The following ARL13B variants were observed in gnomAD, a reference collection of about 807,000 sequenced individuals.
The protein encoded by ARL13B is ADP-ribosylation factor-like protein 13B.
A neutral mutation model predicts 56.1 loss-of-function variants in ARL13B; 36 were observed. That is an observed-to-expected ratio of 0.64 (90% CI 0.49 to 0.85). ARL13B has a LOEUF of 0.85. Among genes scored for constraint, ARL13B ranks in the 40% least tolerant of loss-of-function variants. ARL13B has a pLI of 0.00. For synonymous variants in ARL13B, 178 were observed against 171.1 expected, an observed-to-expected ratio of 1.04 and a Z score of -0.32; for missense variants, 519 against 507.1, an observed-to-expected ratio of 1.02 and a Z score of -0.23.
Position 93,980,213 on chromosome 3 carries a change from G to GT in ARL13B, c.-209dup, listed in dbSNP as rs1187283616. The GT allele has an allele frequency of 1.4e-5, 10 of 710,126 alleles. No homozygotes were observed. The highest frequency in any genetic ancestry group is 2.5e-5 in the Non-Finnish European group (10 of 394,824). 44.0% of individuals were successfully genotyped at this position (710,126 alleles called of 1,614,324 possible). ...ACGGTGTATCTGCGTCTTTGGTCAG[G>GT]TTGTTCCTTGGCTAAGAGGGCAGTC... On this transcript the variant is annotated 5_prime_UTR_variant, in exon 1 of 10. Coordinates refer to ENST00000394222, the MANE Select transcript of ARL13B (RefSeq NM_001174150.2).
chr3:93,985,911 G>A (rs1710440037), intron 1 of ARL13B, among the ~76,000 whole-genome samples: 1 of 152,108 alleles, frequency 6.6e-6, no homozygotes, highest in African/African-American at 2.4e-5. Flanking sequence ...GTTTCTAGTG[G>A]TCTGTTTTGT....
chr3:94,009,694 A>T (rs1488204245), intron 3 of ARL13B, among the ~76,000 whole-genome samples: 1 of 151,930 alleles, frequency 6.6e-6, no homozygotes, highest in African/African-American at 2.4e-5. Context: ...TTGGCTTAAG[A>T]TTTCTCTCCT....
chr3:94,050,875 G>T lies in ARL13B; in HGVS notation c.1193G>T (p.Gly398Val), dbSNP rs1483508428. The T allele has an allele frequency of 1.2e-6, 2 of 1,613,048 alleles. No homozygotes were observed. The highest frequency in any genetic ancestry group is 1.7e-4 in the Middle Eastern group (1 of 6,056). ...VTRLPKLEPL[G>V]ETHHNDFYRK... ...AGACTTCCAAAACTTGAGCCTCTTG[G>T]TGAAACACATCATAATGGTAATGCA... The change falls in exon 9 of 10, where the codon GGT (glycine) becomes GTT (valine). Residue 398 changes from glycine (G) to valine (V), a missense_variant. Gly to Val is a moderately radical substitution (Grantham distance 109). Coordinates refer to ENST00000394222, the MANE Select transcript of ARL13B (RefSeq NM_001174150.2).
intron 3 of ARL13B, among the ~76,000 whole-genome samples, chr3:94,026,587 CAAAT>C (rs1478816188): frequency 6.6e-6 from 1 of 152,016 alleles, no homozygotes; most frequent in Non-Finnish European, 1.5e-5. Context: ...CAAAATGAGA[CAAAT>C]AAGCATGTTA....
intron 3 of ARL13B, among the ~76,000 whole-genome samples, chr3:94,021,250 G>T (rs2076442783): frequency 1.3e-5 from 2 of 151,144 alleles, no homozygotes; most frequent in Non-Finnish European, 2.9e-5. Context: ...CTGGAGTGCA[G>T]TGTCATGATC....
At position 93,996,186 on chromosome 3, in the gene ARL13B, T is replaced by C. The variant is rs11718593; in HGVS notation, c.130+242T>C. Among the ~76,000 whole-genome samples the C allele has an allele frequency of 0.021, 3,146 of 152,284 alleles. 56 individuals carry two copies. The highest frequency in any genetic ancestry group is 0.03 in the Non-Finnish European group (2,068 of 68,004). On this transcript the variant is annotated intron_variant, in intron 2 of 9. Coordinates refer to ENST00000394222, the MANE Select transcript of ARL13B (RefSeq NM_001174150.2). Reference sequence around the variant, plus strand: ...AGGCTCCTTGATGCCTTTGATCTGCTAAGAGGGAATAGTATCTGTATTCTA... The same window carrying C: ...AGGCTCCTTGATGCCTTTGATCTGCCAAGAGGGAATAGTATCTGTATTCTA...
chr3:94,017,538 CT>C (rs1220605910), intron 3 of ARL13B, among the ~76,000 whole-genome samples: 1 of 151,996 alleles, frequency 6.6e-6, no homozygotes, highest in Non-Finnish European at 1.5e-5. Context: ...TTTTAAAGGA[CT>C]GGTATTTTGT....
At chr3:94,000,986 T>C (rs1352394745) in intron 2 of ARL13B, among the ~76,000 whole-genome samples, 1 of 152,188 alleles carries the variant, frequency 6.6e-6, no homozygotes, top group Admixed American at 6.5e-5. Flanking sequence ...GCTTCAGTTA[T>C]CTCAGTGGTT....
intron 1 of ARL13B, among the ~76,000 whole-genome samples, chr3:93,985,352 T>TGATTTATAACATAGCACTA (rs1210523836): frequency 6.6e-6 from 1 of 152,104 alleles, no homozygotes; most frequent in East Asian, 1.9e-4. Flanking sequence ...AGCATCTAGG[T>TGATTTATAACATAGCACTA]GATGAAATAG....
chr3:93,996,730 G>C (rs1187919598), intron 2 of ARL13B: 1 of 274,764 alleles, frequency 3.6e-6, no homozygotes, highest in African/African-American at 2.2e-5. Flanking sequence ...CAGTATCTAT[G>C]CTAGTGACTT....
chr3:94,051,587 A>C (rs528267796), intron 9 of ARL13B, among the ~76,000 whole-genome samples: 9 of 152,242 alleles, frequency 5.9e-5, no homozygotes, highest in African/African-American at 1.9e-4. Flanking sequence ...ACAGACCATC[A>C]GTCTAGGTCC....
chr3:94,013,948 A>G (rs1394046899), intron 3 of ARL13B, among the ~76,000 whole-genome samples: 1 of 152,212 alleles, frequency 6.6e-6, no homozygotes, highest in African/African-American at 2.4e-5. Context: ...CTCTGTCTCA[A>G]AAGAGAAAAG....
At chr3:94,012,371 C>A (rs1218390857) in intron 3 of ARL13B, among the ~76,000 whole-genome samples, 2 of 152,154 alleles carry the variant, frequency 1.3e-5, no homozygotes, top group Non-Finnish European at 2.9e-5. Context: ...AATTCTGAAA[C>A]CTTCGTCTCT....
intron 3 of ARL13B, among the ~76,000 whole-genome samples, chr3:94,020,622 G>A (rs573851747): frequency 6.6e-6 from 1 of 152,272 alleles, no homozygotes; most frequent in African/African-American, 2.4e-5. Flanking sequence ...AAATCTGTTT[G>A]TGTCAGGAAA....
chr3:94,023,578 A>G (rs1164867345), intron 3 of ARL13B, among the ~76,000 whole-genome samples: 3 of 152,114 alleles, frequency 2.0e-5, no homozygotes, highest in African/African-American at 4.8e-5. Context: ...AGAAAATTAA[A>G]GAAACAGTCC....
At chr3:94,023,825 AAG>A (rs2076500731) in intron 3 of ARL13B, among the ~76,000 whole-genome samples, 1 of 152,148 alleles carries the variant, frequency 6.6e-6, no homozygotes, top group African/African-American at 2.4e-5. Flanking sequence ...ATCTATTTAA[AAG>A]AAAAAATTTA....
intron 3 of ARL13B, chr3:94,014,856 A>C: frequency 6.2e-7 from 1 of 1,614,066 alleles, no homozygotes; most frequent in Non-Finnish European, 8.5e-7. Context: ...GGAACATTGC[A>C]GCATGCTGAG....
At chr3:94,050,496 C>A (rs2077051077) in intron 8 of ARL13B, among the ~76,000 whole-genome samples, 1 of 152,134 alleles carries the variant, frequency 6.6e-6, no homozygotes, top group African/African-American at 2.4e-5. Flanking sequence ...CTTATAGACT[C>A]ATTTCCAGTA....
rs780194011 is a variant in ARL13B at position 94,054,206 on chromosome 3, A to C, written c.*943A>C. ...TTTCATGCCTTGAAATTAAACTATG[A>C]AATTAAAGGCAGAAAAACTGGAAAA... On this transcript the variant is annotated 3_prime_UTR_variant, in exon 10 of 10. Coordinates refer to ENST00000394222, the MANE Select transcript of ARL13B (RefSeq NM_001174150.2). 4.4e-6 allele frequency: 2 copies of C among 452,604 alleles called. No individual in the cohort carries two copies. The highest frequency in any genetic ancestry group is 3.1e-5 in the South Asian group (2 of 64,214). 28.0% of individuals were successfully genotyped at this position (452,604 alleles called of 1,614,324 possible).
Sources: allele counts gnomAD v4.1 joint callset (sites outside exome capture counted in the v4.1 genomes callset), GRCh38; gene constraint gnomAD v4.1.1; transcripts MANE v1.5; gene names NCBI Gene and HGNC (gene_info 2026-07-23, HGNC 2026-07-21).